PEG3: variants seen among roughly 807,000 people sequenced by gnomAD.
PEG3 encodes the protein paternally-expressed gene 3 protein.
Under a neutral mutation model 35.5 loss-of-function variants are expected in PEG3, and 23 were observed. The ratio of observed to expected loss-of-function variants is 0.65; its 90% CI spans 0.47 to 0.92. PEG3 has a LOEUF of 0.92. Among genes scored for constraint, PEG3 ranks in the 40% least tolerant of loss-of-function variants. The pLI is 0.00. For synonymous variants in PEG3, 707 were observed against 697.0 expected (o/e 1.01, Z -0.23); for missense variants, 1,960 against 1,985.3 (o/e 0.99, Z 0.24).
chr19:56,828,753 C>T (rs935841225), intron 2 of PEG3, among the ~76,000 whole-genome samples: 1 of 152,190 alleles, frequency 6.6e-6, no homozygotes, highest in East Asian at 1.9e-4. Context: ...CACTAATACA[C>T]AGAGTTCCTA....
rs2059690676 is a variant in PEG3 at position 56,813,586 on chromosome 19, C to T, written c.*89G>A. On this transcript the variant is annotated 3_prime_UTR_variant, in exon 10 of 10. Transcript: ENST00000326441. The stretch of plus-strand genomic sequence containing the variant: ...TAACACACTAAGGTTAAGTCTCCTA[C>T]TGACATTATCATGGATTGGTTTGGA... 3 of 1,491,946 alleles carry T rather than the reference C, an allele frequency of 2.0e-6. No individual in the cohort carries two copies. Among genetic ancestry groups the T allele is most frequent in the South Asian group, 1.4e-5 (1 of 73,732 alleles). 92.4% of individuals were successfully genotyped at this position (1,491,946 alleles called of 1,614,324 possible). A position where few individuals can be genotyped will look rare whatever the true frequency, so the allele number is the denominator to read the frequency against.
chr19:56,818,569 C>T, intron 8 of PEG3, 31 bp downstream of exon 8: 2 of 1,612,014 alleles, frequency 1.2e-6, no homozygotes, highest in East Asian at 2.2e-5. Context: ...AATGACTGGA[C>T]TGGGAGTGAC....
chr19:56,824,026 T>C (rs556210092), intron 4 of PEG3, among the ~76,000 whole-genome samples: 2 of 152,298 alleles, frequency 1.3e-5, no homozygotes. Flanking sequence ...ATGGTGGTTC[T>C]GCACTAGGGA....
intron 1 of PEG3, among the ~76,000 whole-genome samples, chr19:56,840,055 C>T (rs552175853): frequency 1.3e-5 from 2 of 152,352 alleles, no homozygotes; most frequent in South Asian, 2.1e-4. Context: ...TAGCCGGGCA[C>T]GCCGGCGCCG....
At chr19:56,837,462 C>G (rs2062282335) in intron 1 of PEG3, among the ~76,000 whole-genome samples, 1 of 152,242 alleles carries the variant, frequency 6.6e-6, no homozygotes, top group Non-Finnish European at 1.5e-5. Context: ...CCACCTTTCC[C>G]CAAATCTCTT....
intron 1 of PEG3, among the ~76,000 whole-genome samples, chr19:56,838,661 TA>T (rs1203060722): frequency 6.6e-6 from 1 of 152,188 alleles, no homozygotes; most frequent in East Asian, 1.9e-4. Flanking sequence ...ACCCTGTCCT[TA>T]AGCATAAATG....
In PEG3 at chr19:56,814,255, T is replaced by C. The variant is rs764412905; in HGVS notation, c.4187A>G (p.Glu1396Gly). Reference protein sequence around the residue: ...RIQGLNVEAAEPEVEAAEPEV... With the variant: ...RIQGLNVEAAGPEVEAAEPEV... ...TGGCTCGGCAGCCTCCACTTCTGGC[T>C]CAGCAGCCTCTACGTTTAAGCCCTG... The change falls in exon 10 of 10, where the codon GAG becomes GGG. Residue 1396 changes from glutamate (E) to glycine (G), a missense_variant. By Grantham distance (98) the Glu-to-Gly change is moderately conservative (BLOSUM62 -2). Coordinates refer to ENST00000326441, the MANE Select transcript of PEG3 (RefSeq NM_006210.3). This position sits in a 1 kb window ranked among gnomAD's most constrained non-coding sequence, Gnocchi z 5.8. 4 of 1,613,582 alleles carry C rather than the reference T, an allele frequency of 2.5e-6. No homozygotes were observed. Among genetic ancestry groups the C allele is most frequent in the Non-Finnish European group, 3.4e-6 (4 of 1,179,934 alleles).
intron 2 of PEG3, among the ~76,000 whole-genome samples, chr19:56,826,690 C>G (rs550999665): frequency 6.6e-6 from 1 of 152,088 alleles, no homozygotes; most frequent in Non-Finnish European, 1.5e-5. Context: ...GTCAAAAACG[C>G]AAGACAAAGA....
At position 56,812,413 on chromosome 19, in the gene PEG3, A is replaced by G; in HGVS notation, c.*1262T>C. 5.1e-6 allele frequency: 5 copies of G among 980,624 alleles called. No individual in the cohort carries two copies. In the African/African-American group the frequency reaches 7.0e-5, roughly 14 times the overall value. The allele number at this position is 980,624 out of a possible 1,614,324, so 60.7% of individuals were successfully genotyped here. ...TCCATGTTAAGCTTGGGTTGACTGT[A>G]AAGAATTTTTTTTTTTTTAATGCAA... On this transcript the variant is annotated 3_prime_UTR_variant, in exon 10 of 10. Coordinates refer to ENST00000326441, the MANE Select transcript of PEG3 (RefSeq NM_006210.3).
At chr19:56,834,793 C>CA (rs1460467421) in intron 2 of PEG3, among the ~76,000 whole-genome samples, 1 of 152,154 alleles carries the variant, frequency 6.6e-6, no homozygotes, top group Non-Finnish European at 1.5e-5. Context: ...CCACCATAGC[C>CA]ACCTATCTTG....
At chr19:56,820,028 T>C (rs536640540) in intron 7 of PEG3, among the ~76,000 whole-genome samples, 1 of 152,344 alleles carries the variant, frequency 6.6e-6, no homozygotes, top group African/African-American at 2.4e-5. Context: ...AAATTCTTTT[T>C]TCACATGAAA....
At chr19:56,831,334 A>T (rs1437667269) in intron 2 of PEG3, among the ~76,000 whole-genome samples, 1 of 152,248 alleles carries the variant, frequency 6.6e-6, no homozygotes. Flanking sequence ...TTATTTAAAT[A>T]TAAACTAGGA....
chr19:56,822,545 A>C, intron 6 of PEG3: 1 of 529,000 alleles, frequency 1.9e-6, no homozygotes, highest in Admixed American at 3.5e-5. Context: ...CAAATAGTTT[A>C]GGTGGCAACA....
At position 56,816,960 on chromosome 19, in the gene PEG3, T is replaced by C. The variant is rs1189122322; in HGVS notation, c.1482A>G (p.Glu494=). The change falls in exon 10 of 10, where the codon GAA becomes GAG. Residue 494 remains glutamate, a synonymous_variant. Coordinates refer to ENST00000326441, the MANE Select transcript of PEG3 (RefSeq NM_006210.3). The part of the protein sequence containing the change: ...ESFIHSVAVS[E]VQKSQVGGKR... ...TCCCTCCAACCTGACTTTTCTGAAC[T>C]TCACTGACAGCCACACTGTGGATAA... The C allele has an allele frequency of 1.2e-6, 2 of 1,614,062 alleles. No individual in the cohort carries two copies. Among genetic ancestry groups the C allele is most frequent in the Admixed American group, 1.7e-5 (1 of 59,994 alleles).
intron 3 of PEG3, 118 bp downstream of exon 3, chr19:56,826,270 C>G (rs891310208): frequency 2.0e-5 from 3 of 152,194 alleles, no homozygotes; most frequent in Admixed American, 1.3e-4. Flanking sequence ...GGGAGACAGG[C>G]AAGGGCAGAC....
rs141176722 is a variant in PEG3, at chr19:56,814,001, C to T, written c.4441G>A (p.Glu1481Lys). The T allele has an allele frequency of 5.9e-5, 96 of 1,614,040 alleles. 1 individual carries two copies. Among genetic ancestry groups the T allele is most frequent in the Non-Finnish European group, 7.6e-5 (90 of 1,180,006 alleles). ...KAEEPEGDAD[E>K]PDGVGIEDPE... ...TCTTCAATTCCCACACCGTCAGGCT[C>T]GTCGGCATCTCCCTCTGGCTCTTCA... is the stretch of plus-strand genomic sequence containing the variant. Residue 1481 changes from glutamate (E) to lysine (K), a missense_variant, in exon 10 of 10, where the codon GAG (glutamate) becomes AAG (lysine). Glu to Lys is a moderately conservative substitution (Grantham distance 56, BLOSUM62 1). This residue lies in a region of PEG3 where 416 missense variants were observed against 416.7 expected (regional missense o/e 1.00). Transcript: ENST00000326441. The surrounding 1 kb of genome is among the most constrained non-coding windows in gnomAD (Gnocchi z 5.8).
rs1324290677 is a variant in PEG3 at position 56,815,688 on chromosome 19, C to T, written c.2754G>A (p.Lys918=). ...AGCTGGGAACAGAGAATTCGCCATC[C>T]TTCTTAAACTCACCAGATCCCTCTC... ...VPGEGSGEFK[K]DGEFSVPSSN... is the part of the protein sequence containing the mutation. The change falls in exon 10 of 10, where the codon AAG becomes AAA. Residue 918 remains lysine, a synonymous_variant. Coordinates refer to ENST00000326441, the MANE Select transcript of PEG3 (RefSeq NM_006210.3). 7 of 1,614,016 alleles carry T rather than the reference C, an allele frequency of 4.3e-6. No individual in the cohort carries two copies. The highest frequency in any genetic ancestry group is 5.9e-6 in the Non-Finnish European group (7 of 1,180,018).
In PEG3 at chr19:56,813,783, T is replaced by C; in HGVS notation, c.4659A>G (p.Thr1553=). 1 of 1,613,972 alleles carries C rather than the reference T, an allele frequency of 6.2e-7. No individual in the cohort carries two copies. The highest frequency in any genetic ancestry group is 8.5e-7 in the Non-Finnish European group (1 of 1,179,830). The change falls in exon 10 of 10, where the codon ACA becomes ACG. Residue 1553 remains threonine, a synonymous_variant. Transcript: ENST00000326441. ...SGYIERASTS[T]GGANQADEKY... ...TCTCATCAGCTTGATTGGCACCACC[T>C]GTGCTGGTGCTGGCACGTTCGATGT...
Position 56,816,729 on chromosome 19 carries a change from G to C in PEG3, c.1713C>G (p.Thr571=), listed in dbSNP as rs764706496. Residue 571 remains threonine, a synonymous_variant, in exon 10 of 10, where the codon ACC becomes ACG. Transcript: ENST00000326441. ...CAATCAGGGCAGAACTATGAAGGAA[G>C]GTTTCCTTACACACCCTGCACTCGT... is the stretch of plus-strand genomic sequence containing the variant. The part of the protein sequence containing the change: ...KFYECRVCKE[T]FLHSSALIEH... 1 of 1,614,080 alleles carries C rather than the reference G, an allele frequency of 6.2e-7. No homozygotes were observed. Among genetic ancestry groups the C allele is most frequent in the Non-Finnish European group, 8.5e-7 (1 of 1,180,000 alleles).
Sources: gnomAD v4.1 joint callset for allele counts (sites outside exome capture counted in the v4.1 genomes callset) on GRCh38, gnomAD v4.1.1 for gene constraint, gnomAD v4.1.1 regional missense constraint, Gnocchi (gnomAD v3.1) non-coding constraint, MANE v1.5 for transcripts, NCBI Gene and HGNC (gene_info 2026-07-23, HGNC 2026-07-21) for gene names.